SERPINB12: variants seen among roughly 807,000 people sequenced by gnomAD.
The protein encoded by SERPINB12 is serpin family B member 12.
In SERPINB12, 57 loss-of-function variants were observed where a neutral mutation model predicts 41.1. The observed-to-expected ratio is 1.39, with a 90% CI of 1.12 to 1.73. SERPINB12 has a LOEUF of 1.73. Among genes scored for constraint, SERPINB12 ranks in the 40% most tolerant of loss-of-function variants. The pLI is 0.00. For missense variants in SERPINB12, 536 were observed against 501.9 expected (o/e 1.07, Z -0.65); for synonymous variants, 180 against 181.3 (o/e 0.99, Z 0.06).
At chr18:63,522,141 G>T in the SERPINB12 span, among the ~76,000 whole-genome samples, 1 of 152,176 alleles carries the variant, frequency 6.6e-6, no homozygotes, top group Admixed American at 6.5e-5. Context: ...TACATAGTGT[G>T]ACAAGAGTAA....
chr18:63,537,638 T>C (rs1391131607), upstream of SERPINB12, among the ~76,000 whole-genome samples: 1 of 152,168 alleles, frequency 6.6e-6, no homozygotes, highest in Non-Finnish European at 1.5e-5. Flanking sequence ...AACAAATCAG[T>C]AGAACTCTGA....
At chr18:63,559,790 T>G in intron 4 of SERPINB12, 72 bp downstream of exon 4, 3 of 1,509,198 alleles carry the variant, frequency 2.0e-6, no homozygotes, top group South Asian at 1.2e-5. Flanking sequence ...GTAGCTGGGT[T>G]ACTCACCTGC....
intron 4 of SERPINB12, 21 bp downstream of exon 4, chr18:63,559,739 G>T: frequency 6.2e-7 from 1 of 1,613,042 alleles, no homozygotes; most frequent in South Asian, 1.1e-5. Context: ...CACGAATGGT[G>T]ACTAAAGCTA....
At chr18:63,528,980 T>C in the SERPINB12 span, among the ~76,000 whole-genome samples, 1 of 152,128 alleles carries the variant, frequency 6.6e-6, no homozygotes, top group African/African-American at 2.4e-5. Flanking sequence ...AGGCAACTCC[T>C]GGAAGTAGAT....
intron 1 of SERPINB12, among the ~76,000 whole-genome samples, chr18:63,545,739 C>T (rs368216899): frequency 9.2e-5 from 14 of 152,080 alleles, no homozygotes; most frequent in African/African-American, 3.4e-4. Context: ...GAATGGTATA[C>T]CCTTTTGGAA....
the SERPINB12 span, among the ~76,000 whole-genome samples, chr18:63,524,727 T>C: frequency 6.6e-6 from 1 of 151,906 alleles, no homozygotes; most frequent in South Asian, 2.1e-4. Flanking sequence ...GGACAAAAAA[T>C]TTACTTTTTT....
intron 1 of SERPINB12, among the ~76,000 whole-genome samples, chr18:63,555,144 C>T (rs1303165223): frequency 6.6e-6 from 1 of 152,124 alleles, no homozygotes; most frequent in Non-Finnish European, 1.5e-5. Flanking sequence ...GACTAGTACA[C>T]CTGGTGACAT....
Position 63,567,118 on chromosome 18 carries a change from T to G in SERPINB12, c.*107T>G. On this transcript the variant is annotated 3_prime_UTR_variant, in exon 8 of 8. Transcript: ENST00000382768. ...TTTTGGTAATATCTAAAGCATCTCCTTCATCCTCCAGCCATCGGCTTGTGC... is the reference window on the plus strand; with the variant it reads ...TTTTGGTAATATCTAAAGCATCTCCGTCATCCTCCAGCCATCGGCTTGTGC... 1.9e-6 allele frequency: 2 copies of G among 1,066,190 alleles called. No individual in the cohort carries two copies. The highest frequency in any genetic ancestry group is 1.3e-6 in the Non-Finnish European group (1 of 746,536). The allele number at this position is 1,066,190 out of a possible 1,614,324, so 66.0% of individuals were successfully genotyped here.
Position 63,559,729 on chromosome 18 carries a change from C to T in SERPINB12, c.444+11C>T. On this transcript the variant is annotated intron_variant, in intron 4 of 7. Coordinates refer to ENST00000382768, the MANE Select transcript of SERPINB12 (RefSeq NM_001307928.2). ...TTCCCAATCTGTCAGGTGAGTTGCA[C>T]ACGAATGGTGACTAAAGCTACCATG... 3.1e-6 allele frequency: 5 copies of T among 1,613,686 alleles called. No individual in the cohort carries two copies. The highest frequency in any genetic ancestry group is 3.4e-6 in the Non-Finnish European group (4 of 1,179,736).
chr18:63,559,806 A>T, intron 4 of SERPINB12, 88 bp downstream of exon 4: 1 of 1,381,782 alleles, frequency 7.2e-7, no homozygotes. Flanking sequence ...CCTGCCATCT[A>T]GAACACAAAC....
At chr18:63,539,605 TCAAAACAAAA>T (rs1170911215), upstream of SERPINB12, among the ~76,000 whole-genome samples, 1 of 152,148 alleles carries the variant, frequency 6.6e-6, no homozygotes, top group East Asian at 1.9e-4. Context: ...CCGCCTGCTT[TCAAAACAAAA>T]CAAAACAAAA....
rs1911004498 is a variant in SERPINB12 at position 63,563,966 on chromosome 18, A to T, written c.563-12A>T. 2 of 1,598,940 alleles carry T rather than the reference A, an allele frequency of 1.3e-6. No individual in the cohort carries two copies. Among genetic ancestry groups the T allele is most frequent in the Non-Finnish European group, 1.7e-6 (2 of 1,174,620 alleles). ...ATTCATACTCAGGATATTCTCTGGG[A>T]TCTTTTTTTAGGTAAAATCAAGGAA... On this transcript the variant is annotated splice_polypyrimidine_tract_variant and intron_variant, in intron 5 of 7. Coordinates refer to ENST00000382768, the MANE Select transcript of SERPINB12 (RefSeq NM_001307928.2).
the SERPINB12 span, among the ~76,000 whole-genome samples, chr18:63,530,009 G>GA: frequency 2.0e-5 from 3 of 152,092 alleles, no homozygotes; most frequent in Non-Finnish European, 4.4e-5. Context: ...AATATTGAGG[G>GA]AAAAAAGCTA....
intron 4 of SERPINB12, 43 bp from the exon 5 acceptor site, chr18:63,561,042 C>A: frequency 7.7e-7 from 1 of 1,299,748 alleles, no homozygotes; most frequent in Non-Finnish European, 1.1e-6. Flanking sequence ...AGCATCACTG[C>A]CTGACTTTAT....
chr18:63,536,895 T>C, the SERPINB12 span, among the ~76,000 whole-genome samples: 3 of 152,146 alleles, frequency 2.0e-5, no homozygotes, highest in Admixed American at 1.3e-4. Flanking sequence ...GAGGAGTTGG[T>C]AATTCATATA....
At chr18:63,562,544 C>T (rs1267644607) in intron 5 of SERPINB12, among the ~76,000 whole-genome samples, 3 of 152,110 alleles carry the variant, frequency 2.0e-5, no homozygotes, top group South Asian at 2.1e-4. Flanking sequence ...GCTTTCTCTC[C>T]CTGTCTCCTC....
At chr18:63,564,925 G>A (rs1021156111) in intron 6 of SERPINB12, among the ~76,000 whole-genome samples, 5 of 152,190 alleles carry the variant, frequency 3.3e-5, no homozygotes, top group African/African-American at 1.2e-4. Flanking sequence ...GCCAGGTGAG[G>A]TGGCTTACCC....
At chr18:63,554,236 G>C (rs1212312909) in intron 1 of SERPINB12, among the ~76,000 whole-genome samples, 2 of 152,182 alleles carry the variant, frequency 1.3e-5, no homozygotes, top group Non-Finnish European at 1.5e-5. Context: ...AGATTACTTA[G>C]TTTGGGGCCA....
At chr18:63,552,906 A>G (rs193087206) in intron 1 of SERPINB12, among the ~76,000 whole-genome samples, 1 of 152,310 alleles carries the variant, frequency 6.6e-6, no homozygotes, top group African/African-American at 2.4e-5. Context: ...ACTTGTATGT[A>G]AAGCCAGGAA....
Sources: gnomAD v4.1 joint callset for allele counts (sites outside exome capture counted in the v4.1 genomes callset) on GRCh38, gnomAD v4.1.1 for gene constraint, MANE v1.5 for transcripts, NCBI Gene and HGNC (gene_info 2026-07-23, HGNC 2026-07-21) for gene names.